TF: variants seen among roughly 807,000 people sequenced by gnomAD.
TF encodes transferrin.
A neutral mutation model predicts 82.4 loss-of-function variants in TF; 55 were observed. That is an observed-to-expected ratio of 0.67 (90% CI 0.54 to 0.84). The LOEUF (loss-of-function observed/expected upper bound fraction) is 0.84, where lower values mean the gene tolerates loss of function less well. TF is among the 40% of genes least tolerant of loss of function. The pLI, the probability that TF is intolerant of heterozygous loss-of-function variation, is 0.00. For synonymous variants in TF, 332 were observed against 332.6 expected (o/e 1.00, Z 0.02); for missense variants, 737 against 868.4 (o/e 0.85, Z 1.90).
chr3:133,690,775 A>C, the TF span, among the ~76,000 whole-genome samples: 1 of 152,184 alleles, frequency 6.6e-6, no homozygotes, highest in East Asian at 1.9e-4. Flanking sequence ...AAAGTGGGAA[A>C]AGGCAAGAAC....
At chr3:133,754,804 T>C in intron 4 of TF, 133 bp downstream of exon 4, 1 of 1,013,300 alleles carries the variant, frequency 9.9e-7, no homozygotes, top group Non-Finnish European at 1.6e-6. Flanking sequence ...TAACAGACTT[T>C]AAACTGGCAG....
At chr3:133,733,867 C>A in the TF span, among the ~76,000 whole-genome samples, 27 of 98,286 alleles carry the variant, frequency 2.7e-4, no homozygotes, top group Non-Finnish European at 3.3e-4. Context: ...CCTTAAAAAA[C>A]AAAAAAAAAA....
At chr3:133,745,459 T>C (rs966589929), upstream of TF, among the ~76,000 whole-genome samples, 1 of 152,244 alleles carries the variant, frequency 6.6e-6, no homozygotes, top group Non-Finnish European at 1.5e-5. Flanking sequence ...TTCTATTCCT[T>C]GTGCATGATT....
the TF span, among the ~76,000 whole-genome samples, chr3:133,669,571 T>A: frequency 6.6e-6 from 1 of 152,146 alleles, no homozygotes; most frequent in South Asian, 2.1e-4. Context: ...CCGAGCTTGA[T>A]CCAAGGAAAT....
chr3:133,667,126 T>C, the TF span, among the ~76,000 whole-genome samples: 1 of 152,054 alleles, frequency 6.6e-6, no homozygotes. Context: ...GAGAATTGCT[T>C]GAGGCCAAGA....
chr3:133,750,250 C>T (rs952694180), intron 2 of TF, among the ~76,000 whole-genome samples: 2 of 152,074 alleles, frequency 1.3e-5, no homozygotes, highest in African/African-American at 2.4e-5. Flanking sequence ...TAAGGGGAAC[C>T]GGGCCATCCT....
intron 16 of TF, chr3:133,777,630 T>G (rs1412805868): frequency 5.1e-6 from 1 of 197,760 alleles, no homozygotes; most frequent in Non-Finnish European, 1.0e-5. Flanking sequence ...AAATAAAAGA[T>G]GTATTTCTTC....
At chr3:133,698,459 T>G in the TF span, among the ~76,000 whole-genome samples, 1 of 152,192 alleles carries the variant, frequency 6.6e-6, no homozygotes, top group Non-Finnish European at 1.5e-5. Context: ...GATCATGATG[T>G]TGGCAGGGTT....
At chr3:133,742,473 AG>A (rs1186439754), upstream of TF, among the ~76,000 whole-genome samples, 1 of 150,094 alleles carries the variant, frequency 6.7e-6, no homozygotes, top group Non-Finnish European at 1.5e-5. Context: ...AGAAAGAGAG[AG>A]AGAGTGAGAG....
the TF span, among the ~76,000 whole-genome samples, chr3:133,715,321 C>T: frequency 6.6e-6 from 1 of 152,182 alleles, no homozygotes; most frequent in Non-Finnish European, 1.5e-5. Flanking sequence ...CTACAACACC[C>T]TGCTGCCATA....
chr3:133,773,150 G>A (rs954517859), intron 14 of TF: 1 of 151,354 alleles, frequency 6.6e-6, no homozygotes, highest in Non-Finnish European at 1.5e-5. Flanking sequence ...ACAAAACCAC[G>A]TGGGCTTTTT....
At chr3:133,684,747 G>T in the TF span, among the ~76,000 whole-genome samples, 23 of 152,114 alleles carry the variant, frequency 1.5e-4, no homozygotes, top group South Asian at 2.1e-4. Context: ...AGGACCAGAC[G>T]GATTCACAGC....
rs1185394447 is a variant in TF, at chr3:133,794,386, A to G, written c.*15766A>G. On this transcript the variant is annotated 3_prime_UTR_variant, in exon 17 of 17. Transcript: ENST00000402696. ...CTGATAGGCCATTTAAACATTTTAT[A>G]GAGGGATTTTATTCAATTGTTATTT... 2.0e-5 allele frequency: 3 copies of G among 152,382 alleles called. No individual in the cohort carries two copies. In the South Asian group the frequency reaches 6.2e-4, roughly 32 times the overall value. The allele number at this position is 152,382 out of a possible 1,614,324, so 9.4% of individuals were successfully genotyped here.
In TF at chr3:133,768,125, A is replaced by T; in HGVS notation, c.1583A>T (p.Asn528Ile). ...TCAGGCCTAAACCTGTGTGAACCCA[A>T]CAACAAAGAGGGATACTACGGCTAC... Reference protein sequence around the residue: ...MGSGLNLCEPNNKEGYYGYTG... With the variant: ...MGSGLNLCEPINKEGYYGYTG... The change falls in exon 13 of 17, where the codon AAC (asparagine) becomes ATC (isoleucine). Residue 528 changes from asparagine (N) to isoleucine (I), a missense_variant. Asn to Ile is a moderately radical substitution (Grantham distance 149). Coordinates refer to ENST00000402696, the MANE Select transcript of TF (RefSeq NM_001063.4). 1.9e-6 allele frequency: 3 copies of T among 1,614,188 alleles called. No homozygotes were observed. Among genetic ancestry groups the T allele is most frequent in the African/African-American group, 1.3e-5 (1 of 75,040 alleles).
chr3:133,697,666 A>C, the TF span, among the ~76,000 whole-genome samples: 4 of 152,252 alleles, frequency 2.6e-5, no homozygotes, highest in Non-Finnish European at 5.9e-5. Context: ...TTGAGTGGCC[A>C]AGGTGGAAAA....
At chr3:133,688,397 G>A in the TF span, 1 of 152,250 alleles carries the variant, frequency 6.6e-6, no homozygotes, top group Non-Finnish European at 1.5e-5. Flanking sequence ...CACAGTGGAA[G>A]AAAGCCTATA....
chr3:133,792,285 A>T lies in TF; in HGVS notation c.*13665A>T, dbSNP rs1934858805. The T allele has an allele frequency of 6.6e-6, 1 of 152,204 alleles. No homozygotes were observed. The highest frequency in any genetic ancestry group is 2.1e-4 in the South Asian group (1 of 4,822). 9.4% of individuals were successfully genotyped at this position (152,204 alleles called of 1,614,324 possible). ...AATAAGCGGTTGTTAAAAAAGAGGGATGTTTAGGACAAGTTAGAAAGTCAA... is the reference window on the plus strand; with the variant it reads ...AATAAGCGGTTGTTAAAAAAGAGGGTTGTTTAGGACAAGTTAGAAAGTCAA... On this transcript the variant is annotated 3_prime_UTR_variant, in exon 17 of 17. Transcript: ENST00000402696.
intron 9 of TF, among the ~76,000 whole-genome samples, chr3:133,759,695 CAA>C (rs546971705): frequency 8.5e-5 from 13 of 152,240 alleles, no homozygotes; most frequent in Admixed American, 8.5e-4. Context: ...CTTTGTTGAT[CAA>C]AAGAGTATCC....
At position 133,780,663 on chromosome 3, in the gene TF, T is replaced by C. The variant is rs1178746935; in HGVS notation, c.*2043T>C. 2 of 152,200 alleles carry C rather than the reference T, an allele frequency of 1.3e-5. No individual in the cohort carries two copies. The highest frequency in any genetic ancestry group is 2.9e-5 in the Non-Finnish European group (2 of 68,026). The allele number at this position is 152,200 out of a possible 1,614,324, so 9.4% of individuals were successfully genotyped here. ...TATAATATTTAAAGAAATGCCAAAA[T>C]TACTTTTATTTGTAAGTGATTATAC... On this transcript the variant is annotated 3_prime_UTR_variant, in exon 17 of 17. Coordinates refer to ENST00000402696, the MANE Select transcript of TF (RefSeq NM_001063.4).
Sources: allele counts gnomAD v4.1 joint callset (sites outside exome capture counted in the v4.1 genomes callset), GRCh38; gene constraint gnomAD v4.1.1; transcripts MANE v1.5; gene names NCBI Gene and HGNC (gene_info 2026-07-23, HGNC 2026-07-21).